Variants in MYO15A observed in about 807,000 individuals in gnomAD.
MYO15A encodes the protein myosin XVA.
A neutral mutation model predicts 394.6 loss-of-function variants in MYO15A; 308 were observed. The observed-to-expected ratio is 0.78, with a 90% CI of 0.71 to 0.86. MYO15A has a LOEUF of 0.86. Among genes scored for constraint, MYO15A ranks in the 40% least tolerant of loss-of-function variants. The pLI is 0.00. For synonymous variants in MYO15A, 1,957 were observed against 2,003.8 expected (o/e 0.98, Z 0.62); for missense variants, 4,606 against 4,799.1 (o/e 0.96, Z 1.19).
intron 1 of MYO15A, chr17:18,109,488 G>A (rs968206916): frequency 2.6e-5 from 4 of 154,118 alleles, no homozygotes; most frequent in Non-Finnish European, 5.8e-5. Context: ...GTGAGAGAGC[G>A]AGCAAGGGAT....
At chr17:18,140,186 A>C (rs854781) in intron 19 of MYO15A, among the ~76,000 whole-genome samples, 89,966 of 152,064 alleles carry the variant, frequency 0.59, 27,769 homozygotes, top group Middle Eastern at 0.67. Context: ...TCCTCCTGTC[A>C]ACTGGGCAAC....
In MYO15A at chr17:18,159,443, C is replaced by T. The variant is rs1041019196; in HGVS notation, c.9229+96C>T. ...GCCACTCCTCCCTGATCTTCAGATTCTTTCCCTCCCGCCAGCTCAGACATG... is the reference window on the plus strand; with the variant it reads ...GCCACTCCTCCCTGATCTTCAGATTTTTTCCCTCCCGCCAGCTCAGACATG... On this transcript the variant is annotated intron_variant, in intron 54 of 65. Coordinates refer to ENST00000647165, the MANE Select transcript of MYO15A (RefSeq NM_016239.4). 9 of 1,509,820 alleles carry T rather than the reference C, an allele frequency of 6.0e-6. No homozygotes were observed. In the African/African-American group the frequency reaches 1.1e-4, roughly 18 times the overall value. The allele number at this position is 1,509,820 out of a possible 1,614,324, so 93.5% of individuals were successfully genotyped here. A position where few individuals can be genotyped will look rare whatever the true frequency, so the allele number is the denominator to read the frequency against.
At chr17:18,158,037 T>C in intron 51 of MYO15A, 137 bp downstream of exon 51, 1 of 1,268,244 alleles carries the variant, frequency 7.9e-7, no homozygotes, top group Non-Finnish European at 1.1e-6. Flanking sequence ...TGGACTAGTG[T>C]GAGGGTGAAC....
Position 18,153,751 on chromosome 17 carries a change from C to T in MYO15A, c.7967-24C>T, listed in dbSNP as rs1216963496. ...AAAAAAACGAGGTGCCTTCTCCTGA[C>T]TCCCTGATCCCCGCGCTCTCCAGCT... On this transcript the variant is annotated intron_variant, in intron 42 of 65. Transcript: ENST00000647165. This position sits in a 1 kb window ranked among gnomAD's most constrained non-coding sequence, Gnocchi z 4.1. 1.9e-6 allele frequency: 3 copies of T among 1,612,780 alleles called. No individual in the cohort carries two copies. The highest frequency in any genetic ancestry group is 1.6e-4 in the Middle Eastern group (1 of 6,068).
rs527928448 is a variant in MYO15A at position 18,132,643 on chromosome 17, C to T, written c.4320+77C>T. The T allele has an allele frequency of 4.1e-5, 50 of 1,223,532 alleles. No individual in the cohort carries two copies. The highest frequency in any genetic ancestry group is 1.5e-4 in the South Asian group (12 of 82,468). The allele number at this position is 1,223,532 out of a possible 1,614,324, so 75.8% of individuals were successfully genotyped here. A position where few individuals can be genotyped will look rare whatever the true frequency, so the allele number is the denominator to read the frequency against. Reference sequence around the variant, plus strand: ...ACGCCCCTGGCTGGGCCTTGGGAGCCGAGTTGTGAGTGATGGAGTGTGAAG... The same window carrying T: ...ACGCCCCTGGCTGGGCCTTGGGAGCTGAGTTGTGAGTGATGGAGTGTGAAG... On this transcript the variant is annotated intron_variant, in intron 11 of 65. Coordinates refer to ENST00000647165, the MANE Select transcript of MYO15A (RefSeq NM_016239.4). The surrounding 1 kb of genome is among the most constrained non-coding windows in gnomAD (Gnocchi z 4.6).
chr17:18,143,349 T>C (rs989518383), intron 25 of MYO15A, among the ~76,000 whole-genome samples: 1 of 152,172 alleles, frequency 6.6e-6, no homozygotes, highest in Non-Finnish European at 1.5e-5. Flanking sequence ...TCCGCTTGCC[T>C]CTGTTTCTCT....
intron 60 of MYO15A, 45 bp from the exon 61 acceptor site, chr17:18,166,316 G>A (rs2046853314): frequency 1.2e-6 from 2 of 1,603,636 alleles, no homozygotes; most frequent in African/African-American, 1.3e-5. Context: ...ACACATGTGT[G>A]TGCACACATG....
chr17:18,126,554 G>T, intron 5 of MYO15A, 98 bp downstream of exon 5: 1 of 1,244,366 alleles, frequency 8.0e-7, no homozygotes. Flanking sequence ...ATGAGTCAGA[G>T]GTAATGGGGA....
chr17:18,174,154 G>A (rs758171483), intron 65 of MYO15A, among the ~76,000 whole-genome samples: 13 of 152,166 alleles, frequency 8.5e-5, no homozygotes, highest in Non-Finnish European at 1.6e-4. Flanking sequence ...GTTGATGAGA[G>A]GGCAAGGACA....
At position 18,126,877 on chromosome 17, in the gene MYO15A, G is replaced by A. The variant is rs2046054252; in HGVS notation, c.3941+12G>A. The A allele has an allele frequency of 1.2e-6, 2 of 1,614,056 alleles. No individual in the cohort carries two copies. Among genetic ancestry groups the A allele is most frequent in the Non-Finnish European group, 1.7e-6 (2 of 1,179,984 alleles). On this transcript the variant is annotated intron_variant, in intron 6 of 65. Transcript: ENST00000647165. ...TGCATAATCATTAGGTGAGTGGGCTGCCTTTATGTGGGGGATAAATGGGGG... is the reference window on the plus strand; with the variant it reads ...TGCATAATCATTAGGTGAGTGGGCTACCTTTATGTGGGGGATAAATGGGGG...
intron 61 of MYO15A, 103 bp downstream of exon 61, chr17:18,166,624 G>A (rs1456855116): frequency 6.7e-7 from 1 of 1,490,302 alleles, no homozygotes; most frequent in African/African-American, 1.4e-5. Flanking sequence ...CATGATTCAG[G>A]CCCTGTGGAT....
At chr17:18,115,696 C>T (rs1439891722) in intron 1 of MYO15A, among the ~76,000 whole-genome samples, 2 of 152,170 alleles carry the variant, frequency 1.3e-5, no homozygotes, top group Non-Finnish European at 2.9e-5. Flanking sequence ...CACTGGCAGT[C>T]GAAGCCAAGC....
At chr17:18,146,220 C>T in intron 30 of MYO15A, 113 bp downstream of exon 30, 1 of 1,169,636 alleles carries the variant, frequency 8.5e-7, no homozygotes, top group Non-Finnish European at 1.2e-6. Context: ...CTGGGAAGCT[C>T]AGGCATGGAG....
rs567307934 is a variant in MYO15A at position 18,112,974 on chromosome 17, A to G, written c.-220+4150A>G. Among the ~76,000 whole-genome samples the G allele has an allele frequency of 2.8e-3, 427 of 152,038 alleles. 2 individuals are homozygous for G. The highest frequency in any genetic ancestry group is 9.8e-3 in the African/African-American group (407 of 41,458). On this transcript the variant is annotated intron_variant, in intron 1 of 65. Coordinates refer to ENST00000647165, the MANE Select transcript of MYO15A (RefSeq NM_016239.4). ...GAAATTCTCCTGCCTCAGCCTCCCA[A>G]GTAGCTAGGACTACAGGCACACGCT... is the stretch of plus-strand genomic sequence containing the variant.
chr17:18,139,523 C>A lies in MYO15A; in HGVS notation c.5134-11C>A, dbSNP rs1329159431. The stretch of plus-strand genomic sequence containing the variant: ...GGCCAGGATTACCCAGGCCATTGTT[C>A]CCCTTTTCAGGTGCACAAGTTCCTG... On this transcript the variant is annotated splice_polypyrimidine_tract_variant and intron_variant, in intron 18 of 65. Coordinates refer to ENST00000647165, the MANE Select transcript of MYO15A (RefSeq NM_016239.4). 8 of 1,613,390 alleles carry A rather than the reference C, an allele frequency of 5.0e-6. No homozygotes were observed. The highest frequency in any genetic ancestry group is 1.1e-5 in the South Asian group (1 of 90,868).
At chr17:18,170,021 T>TCAAA (rs1399302089) in intron 62 of MYO15A, among the ~76,000 whole-genome samples, 1 of 150,262 alleles carries the variant, frequency 6.7e-6, no homozygotes, top group African/African-American at 2.4e-5. Context: ...TTTTACATGT[T>TCAAA]CAAAGCTCTG....
rs1033327362 is a variant in MYO15A at position 18,179,607 on chromosome 17, G to C, written c.*737G>C. ...TGGGAAAAGCCTTCTTGGAAAATGG[G>C]ACATTAGCATTGAGTTTTGAAAGAT... On this transcript the variant is annotated 3_prime_UTR_variant, in exon 66 of 66. Transcript: ENST00000647165. 1 of 152,976 alleles carries C rather than the reference G, an allele frequency of 6.5e-6. No homozygotes were observed. Among genetic ancestry groups the C allele is most frequent in the Non-Finnish European group, 1.5e-5 (1 of 68,654 alleles). The allele number at this position is 152,976 out of a possible 1,614,324, so 9.5% of individuals were successfully genotyped here. A position where few individuals can be genotyped will look rare whatever the true frequency, so the allele number is the denominator to read the frequency against.
At chr17:18,176,016 A>G (rs2047009427) in intron 65 of MYO15A, among the ~76,000 whole-genome samples, 2 of 151,852 alleles carry the variant, frequency 1.3e-5, no homozygotes, top group African/African-American at 4.8e-5. Context: ...CTCTCCCTTT[A>G]TTTGGGTTTC....
intron 60 of MYO15A, chr17:18,164,272 G>A (rs998527119): frequency 7.6e-6 from 2 of 263,022 alleles, no homozygotes; most frequent in African/African-American, 4.5e-5. Flanking sequence ...AGCCCCTCTC[G>A]AGGGCTCCTG....
Sources: gnomAD v4.1 joint callset for allele counts (sites outside exome capture counted in the v4.1 genomes callset) on GRCh38, gnomAD v4.1.1 for gene constraint, Gnocchi (gnomAD v3.1) non-coding constraint, MANE v1.5 for transcripts, NCBI Gene and HGNC (gene_info 2026-07-23, HGNC 2026-07-21) for gene names.